NSD3: variants seen among roughly 807,000 people sequenced by gnomAD.
NSD3 encodes histone-lysine N-methyltransferase NSD3.
In NSD3, 24 loss-of-function variants were observed where a neutral mutation model predicts 160.8. The ratio of observed to expected loss-of-function variants is 0.15; its 90% confidence interval spans 0.11 to 0.21. The LOEUF is 0.21. Ranked by LOEUF, NSD3 falls within the 10% of genes least tolerant of loss-of-function variation. The probability of loss-of-function intolerance (pLI) is 1.00; values close to 1 mark genes in which losing one functional copy is unlikely to be tolerated. For missense variants in NSD3, 1,157 were observed against 1,735.9 expected, an observed-to-expected ratio of 0.67 and a Z score of 5.93; for synonymous variants, 520 against 600.0, an observed-to-expected ratio of 0.87 and a Z score of 1.95.
At chr8:38,277,479 T>C (rs1223875431) in intron 22 of NSD3, among the ~76,000 whole-genome samples, 1 of 151,982 alleles carries the variant, frequency 6.6e-6, no homozygotes, top group African/African-American at 2.4e-5. Flanking sequence ...GGTTTCACCA[T>C]GTTGGTCAGG....
intron 1 of NSD3, among the ~76,000 whole-genome samples, chr8:38,364,277 A>AAACAAC (rs10672618): frequency 0.33 from 48,864 of 149,234 alleles, 8,214 homozygotes; most frequent in East Asian, 0.48. Context: ...ACTCCGTCTC[A>AAACAAC]AACAACAACA....
At chr8:38,364,626 A>C (rs1339488972) in intron 1 of NSD3, among the ~76,000 whole-genome samples, 5 of 152,190 alleles carry the variant, frequency 3.3e-5, no homozygotes, top group Non-Finnish European at 7.3e-5. Flanking sequence ...TTTTACTACT[A>C]AAACACCTAT....
intron 1 of NSD3, among the ~76,000 whole-genome samples, chr8:38,378,796 C>T (rs576697973): frequency 6.7e-6 from 1 of 148,354 alleles, no homozygotes; most frequent in South Asian, 2.1e-4. Flanking sequence ...GCACTCCAGC[C>T]TAGACAACAG....
At chr8:38,287,578 TTTGTA>T (rs899510376) in intron 19 of NSD3, among the ~76,000 whole-genome samples, 60 of 152,304 alleles carry the variant, frequency 3.9e-4, no homozygotes, top group African/African-American at 5.8e-4. Context: ...TGCTATCTTT[TTTGTA>T]TTGTATTGTA....
Position 38,366,418 on chromosome 8 carries a change from C to CTTTTTTTTTT in NSD3, c.-45+15371_-45+15380dup, listed in dbSNP as rs374656504. Among the ~76,000 whole-genome samples the CTTTTTTTTTT allele has an allele frequency of 9.6e-3, 1,273 of 132,008 alleles. 37 individuals carry two copies. Among genetic ancestry groups the CTTTTTTTTTT allele is most frequent in the African/African-American group, 0.03 (1,081 of 35,524 alleles). 86.6% of individuals were successfully genotyped at this position (132,008 alleles called of 152,430 possible). ...CAATTATGTTCACATCTACTTAATT[C>CTTTTTTTTTT]TTTTTTTTTTTTTTTTGAGATAGAG... On this transcript the variant is annotated intron_variant, in intron 1 of 23. Transcript: ENST00000317025.
Position 38,275,046 on chromosome 8 carries a change from A to C in NSD3, c.*595T>G, listed in dbSNP as rs1808565892. ...CATTGTTTTCAAGAGGCCAGATTTA[A>C]TACTTCCATAGAGCCCTTCTCTAAG... On this transcript the variant is annotated 3_prime_UTR_variant, in exon 24 of 24. Transcript: ENST00000317025. The C allele has an allele frequency of 4.4e-6, 1 of 228,580 alleles. No homozygotes were observed. The highest frequency in any genetic ancestry group is 2.2e-5 in the African/African-American group (1 of 45,098). 14.2% of individuals were successfully genotyped at this position (228,580 alleles called of 1,614,324 possible).
intron 20 of NSD3, 28 bp downstream of exon 20, chr8:38,281,439 T>C (rs1808730538): frequency 5.6e-6 from 7 of 1,248,564 alleles, no homozygotes; most frequent in Non-Finnish European, 7.6e-6. Flanking sequence ...AAATCCCTTT[T>C]TCTTACAAAA....
Position 38,329,368 on chromosome 8 carries a change from A to G in NSD3, c.1581+10T>C. 1 of 1,598,044 alleles carries G rather than the reference A, an allele frequency of 6.3e-7. No homozygotes were observed. Among genetic ancestry groups the G allele is most frequent in the Non-Finnish European group, 8.5e-7 (1 of 1,169,810 alleles). ...CATCCCCCAAAAAACTCCACGAAAA[A>G]AGGAGGTACCTTTGTTGAATAAACA... is the stretch of plus-strand genomic sequence containing the variant. On this transcript the variant is annotated intron_variant, in intron 6 of 23. Transcript: ENST00000317025. The surrounding 1 kb of genome is among the most constrained non-coding windows in gnomAD (Gnocchi z 4.8).
Position 38,278,219 on chromosome 8 carries a change from T to C in NSD3, c.3867+87A>G, listed in dbSNP as rs973404760. ...TCCCAAAGTGCTGGGATTACAGGCA[T>C]GAGCCACCGCGCCCGGCCAAACAGA... On this transcript the variant is annotated intron_variant, in intron 22 of 23. Transcript: ENST00000317025. The C allele has an allele frequency of 1.5e-5, 18 of 1,198,254 alleles. No individual in the cohort carries two copies. In the African/African-American group the frequency reaches 2.3e-4, roughly 15 times the overall value. The allele number at this position is 1,198,254 out of a possible 1,614,324, so 74.2% of individuals were successfully genotyped here.
chr8:38,356,787 T>A (rs904144149), intron 1 of NSD3, among the ~76,000 whole-genome samples: 3 of 152,236 alleles, frequency 2.0e-5, no homozygotes, highest in African/African-American at 7.2e-5. Context: ...AATGCCAGTC[T>A]CTTCTCAATA....
rs1808571982 is a variant in NSD3, at chr8:38,275,266, T to C, written c.*375A>G. ...TGAAAATAAATAAAGGAATGATGGC[T>C]ACTTTTGCTTTATACAACCAAGGAA... On this transcript the variant is annotated 3_prime_UTR_variant, in exon 24 of 24. Transcript: ENST00000317025. 1 of 259,622 alleles carries C rather than the reference T, an allele frequency of 3.9e-6. No individual in the cohort carries two copies. Among genetic ancestry groups the C allele is most frequent in the African/African-American group, 2.2e-5 (1 of 45,690 alleles). The allele number at this position is 259,622 out of a possible 1,614,324, so 16.1% of individuals were successfully genotyped here.
In NSD3 at chr8:38,271,532, T is replaced by A. The variant is rs1808482780; in HGVS notation, c.*4109A>T. On this transcript the variant is annotated 3_prime_UTR_variant, in exon 24 of 24. Coordinates refer to ENST00000317025, the MANE Select transcript of NSD3 (RefSeq NM_023034.2). ...TATTTGTTAATTCATTGCAAAGCTG[T>A]CTAATTATAGTATTCCCTAGTCCAT... 1 of 152,116 alleles carries A rather than the reference T, an allele frequency of 6.6e-6. No individual in the cohort carries two copies. Among genetic ancestry groups the A allele is most frequent in the Non-Finnish European group, 1.5e-5 (1 of 68,006 alleles). 9.4% of individuals were successfully genotyped at this position (152,116 alleles called of 1,614,324 possible).
At position 38,336,912 on chromosome 8, in the gene NSD3, C is replaced by A. The variant is rs563539435; in HGVS notation, c.910+393G>T. 1.8e-3 allele frequency among the ~76,000 whole-genome samples: 269 copies of A among 152,228 alleles called. 1 individual carries two copies. The highest frequency in any genetic ancestry group is 2.4e-3 in the Non-Finnish European group (166 of 67,994). ...ATCCTACCACTTTGGGAGGCCGAGG[C>A]AGGTGCATCCCTTGAGTTCGAGAGT... On this transcript the variant is annotated intron_variant, in intron 4 of 23. Coordinates refer to ENST00000317025, the MANE Select transcript of NSD3 (RefSeq NM_023034.2).
intron 15 of NSD3, 134 bp from the exon 16 acceptor site, chr8:38,296,086 T>G (rs1194142467): frequency 3.7e-5 from 33 of 889,970 alleles, no homozygotes; most frequent in Non-Finnish European, 4.5e-5. Flanking sequence ...CTGAGTCATA[T>G]CTACAGTGAT....
rs1213755143 is a variant in NSD3 at position 38,338,571 on chromosome 8, G to A, written c.712C>T (p.Pro238Ser). Residue 238 changes from proline to serine, a missense_variant, in exon 3 of 24, where the codon CCA (proline) becomes TCA (serine). Around this residue, in one of 10 missense-constraint regions of NSD3, gnomAD observed 99 missense variants for 151.8 expected, o/e 0.65. Transcript: ENST00000317025. ...TCTTTTAGTACTGGTTCTTCCCTTG[G>A]TTTTTCTGATACAGTGTCAACCCTC... Reference protein sequence around the residue: ...NERVDTVSEKPREEPVLKEEA... With the variant: ...NERVDTVSEKSREEPVLKEEA... The A allele has an allele frequency of 6.2e-7, 1 of 1,613,698 alleles. No homozygotes were observed. Among genetic ancestry groups the A allele is most frequent in the Non-Finnish European group, 8.5e-7 (1 of 1,179,902 alleles).
At position 38,283,313 on chromosome 8, in the gene NSD3, T is replaced by C. The variant is rs142129042; in HGVS notation, c.3502-1730A>G. ...ATTCTCTATAAGGACTTACCAATCT[T>C]ACTAATATATTTTAGAGGAAAATAA... On this transcript the variant is annotated intron_variant, in intron 19 of 23. Transcript: ENST00000317025. Among the ~76,000 whole-genome samples the C allele has an allele frequency of 3.9e-3, 595 of 152,280 alleles. 1 individual carries two copies. Among genetic ancestry groups the C allele is most frequent in the African/African-American group, 0.014 (580 of 41,562 alleles).
intron 1 of NSD3, among the ~76,000 whole-genome samples, chr8:38,352,780 A>AT (rs1027958749): frequency 4.0e-5 from 6 of 151,606 alleles, no homozygotes; most frequent in African/African-American, 7.3e-5. Context: ...AATTTTTTGT[A>AT]TTTTTTATAG....
At chr8:38,305,579 A>C in intron 12 of NSD3, 134 bp from the exon 13 acceptor site, 1 of 729,364 alleles carries the variant, frequency 1.4e-6, no homozygotes, top group Non-Finnish European at 2.1e-6. Context: ...TGCACAAAAA[A>C]AATTTAAAAT....
At chr8:38,276,601 T>C in intron 22 of NSD3, 101 bp from the exon 23 acceptor site, 3 of 1,268,114 alleles carry the variant, frequency 2.4e-6, no homozygotes, top group Non-Finnish European at 3.3e-6. Context: ...AATTCATCTG[T>C]TGTACAATTA....
Sources: gnomAD v4.1 joint callset for allele counts (sites outside exome capture counted in the v4.1 genomes callset) on GRCh38, gnomAD v4.1.1 for gene constraint, gnomAD v4.1.1 regional missense constraint, Gnocchi (gnomAD v3.1) non-coding constraint, MANE v1.5 for transcripts, NCBI Gene and HGNC (gene_info 2026-07-23, HGNC 2026-07-21) for gene names.